FRMPD3: variants seen among roughly 807,000 people sequenced by gnomAD.
FRMPD3 encodes FERM and PDZ domain containing 3.
In FRMPD3, 42 loss-of-function variants were observed where a neutral mutation model predicts 97.9. The ratio of observed to expected loss-of-function variants is 0.43; its 90% confidence interval spans 0.34 to 0.55. The LOEUF (loss-of-function observed/expected upper bound fraction) is 0.55. Among genes scored for constraint, FRMPD3 ranks in the 20% least tolerant of loss-of-function variants. FRMPD3 has a pLI of 0.03. For synonymous variants in FRMPD3, 577 were observed against 581.1 expected (o/e 0.99, Z 0.10); for missense variants, 1,303 against 1,457.7 (o/e 0.89, Z 1.73).
rs747726417 is a variant in FRMPD3 at position 107,603,063 on chromosome X, G to A, written c.5024G>A (p.Arg1675Gln). Residue 1675 changes from arginine to glutamine, a missense_variant, in exon 15 of 15, where the codon CGG becomes CAG. Arg to Gln is a conservative substitution (Grantham distance 43). This residue lies in a region of FRMPD3 where 764 missense variants were observed against 820.2 expected (regional missense o/e 0.93). Transcript: ENST00000683843. ...VLSSLIETFVRLVFIVRSEAQ... is the reference protein window; with the variant it reads ...VLSSLIETFVQLVFIVRSEAQ... ...AGCAGCCTCATTGAGACCTTCGTGC[G>A]GCTGGTGTTCATTGTGCGCTCCGAG... 30 of 1,209,367 alleles carry A rather than the reference G, an allele frequency of 2.5e-5. No individual in the cohort carries two copies. Among genetic ancestry groups the A allele is most frequent in the South Asian group, 7.0e-5 (4 of 56,835 alleles).
At chrX:107,595,678 C>T (rs1924132989) in intron 13 of FRMPD3, among the ~76,000 whole-genome samples, 1 of 110,945 alleles carries the variant, frequency 9.0e-6, no homozygotes, top group African/African-American at 3.3e-5. Context: ...TGGGTCACGC[C>T]TGTAATCCCT....
intron 6 of FRMPD3, among the ~76,000 whole-genome samples, chrX:107,550,378 C>T (rs769190088): frequency 4.5e-4 from 50 of 112,111 alleles, no homozygotes; most frequent in Non-Finnish European, 7.9e-4. Context: ...AATTGTTAAA[C>T]CGTGTGTGTG....
intron 4 of FRMPD3, among the ~76,000 whole-genome samples, chrX:107,536,345 G>A (rs1923238228): frequency 9.0e-6 from 1 of 110,827 alleles, no homozygotes; most frequent in African/African-American, 3.3e-5. Flanking sequence ...AATAGAGCGA[G>A]GCCACTTCTC....
At position 107,498,790 on chromosome X, in the gene FRMPD3, T is replaced by C. The variant is rs11796796; in HGVS notation, c.-7-27792T>C. Reference sequence around the variant, plus strand: ...GCTGTCCAAAGGAGAAGGGGCATGCTGAAAGTGGGAAAAGGCTCTGCAAAT... The same window carrying C: ...GCTGTCCAAAGGAGAAGGGGCATGCCGAAAGTGGGAAAAGGCTCTGCAAAT... On this transcript the variant is annotated intron_variant, in intron 1 of 14. Coordinates refer to ENST00000683843, the MANE Select transcript of FRMPD3 (RefSeq NM_001388459.1). Among the ~76,000 whole-genome samples, 553 of 111,781 alleles carry C rather than the reference T, an allele frequency of 4.9e-3. 2 individuals are homozygous for C. The highest frequency in any genetic ancestry group is 8.9e-3 in the Non-Finnish European group (473 of 53,127).
intron 1 of FRMPD3, among the ~76,000 whole-genome samples, chrX:107,518,802 T>C (rs1336185211): frequency 8.9e-6 from 1 of 112,422 alleles, no homozygotes; most frequent in Non-Finnish European, 1.9e-5. Flanking sequence ...AGCTACATTG[T>C]TCACAACAAC....
chrX:107,556,867 C>T lies in FRMPD3; in HGVS notation c.762+2363C>T, dbSNP rs114737687. On this transcript the variant is annotated intron_variant, in intron 8 of 14. Coordinates refer to ENST00000683843, the MANE Select transcript of FRMPD3 (RefSeq NM_001388459.1). The stretch of plus-strand genomic sequence containing the variant: ...TTCCAGAATGTGTTTATTAATTCAC[C>T]TGTTGATGAACATTTGGGTTGTTTC... Among the ~76,000 whole-genome samples the T allele has an allele frequency of 7.2e-3, 810 of 111,991 alleles. 9 individuals are homozygous for T. Among genetic ancestry groups the T allele is most frequent in the African/African-American group, 0.025 (765 of 30,864 alleles).
intron 3 of FRMPD3, 82 bp from the exon 4 acceptor site, chrX:107,533,423 G>A: frequency 2.3e-6 from 2 of 863,929 alleles, no homozygotes; most frequent in Admixed American, 2.3e-5. Context: ...AAAGCCAGGG[G>A]AAGATTCTGG....
Position 107,549,522 on chromosome X carries a change from G to A in FRMPD3, c.403-527G>A, listed in dbSNP as rs1464681254. Among the ~76,000 whole-genome samples the A allele has an allele frequency of 5.4e-5, 6 of 110,243 alleles. 1 individual carries two copies. Among genetic ancestry groups the A allele is most frequent in the Admixed American group, 1.9e-4 (2 of 10,359 alleles). ...GTGTGGGTACTAGGAATAGCAAGAC[G>A]TGACTCTGGAGACTAGGCAGGGGCC... On this transcript the variant is annotated intron_variant, in intron 5 of 14. Coordinates refer to ENST00000683843, the MANE Select transcript of FRMPD3 (RefSeq NM_001388459.1).
chrX:107,504,625 A>C (rs1298683436), intron 1 of FRMPD3, among the ~76,000 whole-genome samples: 1 of 112,118 alleles, frequency 8.9e-6, no homozygotes, highest in Non-Finnish European at 1.9e-5. Flanking sequence ...GGGGGTGAGA[A>C]GAGCAAGCTA....
At chrX:107,594,096 T>C (rs1340319870) in intron 13 of FRMPD3, among the ~76,000 whole-genome samples, 2 of 112,003 alleles carry the variant, frequency 1.8e-5, no homozygotes, top group African/African-American at 6.5e-5. Context: ...TTTCACCTCC[T>C]TGGTGTTTTA....
intron 1 of FRMPD3, among the ~76,000 whole-genome samples, chrX:107,477,124 G>A: frequency 8.9e-6 from 1 of 112,922 alleles, no homozygotes; most frequent in Admixed American, 9.3e-5. Flanking sequence ...CTAGGGACTG[G>A]TACAAGGGGG....
intron 1 of FRMPD3, among the ~76,000 whole-genome samples, chrX:107,486,587 T>C (rs763837951): frequency 6.2e-5 from 7 of 112,399 alleles, no homozygotes. Context: ...CCCAGTACCA[T>C]TTGTTGAAGA....
At position 107,598,058 on chromosome X, in the gene FRMPD3, G is replaced by A. The variant is rs764758871; in HGVS notation, c.2179G>A (p.Asp727Asn). The change falls in exon 14 of 15, where the codon GAT becomes AAT. Residue 727 changes from aspartate (D) to asparagine (N), a missense_variant. This residue lies in a region of FRMPD3 where 535 missense variants were observed against 618.6 expected (regional missense o/e 0.86). Coordinates refer to ENST00000683843, the MANE Select transcript of FRMPD3 (RefSeq NM_001388459.1). The part of the protein sequence containing the change: ...TVRDHAQELD[D>N]ALVSTLQALE... The stretch of plus-strand genomic sequence containing the variant: ...TCGAGATCATGCCCAGGAGCTAGAT[G>A]ATGCCCTGGTGTCCACTCTGCAGGC... 2 of 1,210,742 alleles carry A rather than the reference G, an allele frequency of 1.7e-6. No homozygotes were observed. Among genetic ancestry groups the A allele is most frequent in the East Asian group, 5.9e-5 (2 of 33,834 alleles).
At chrX:107,482,241 G>A (rs1353901332) in intron 1 of FRMPD3, among the ~76,000 whole-genome samples, 3 of 111,622 alleles carry the variant, frequency 2.7e-5, no homozygotes, top group Non-Finnish European at 5.7e-5. Context: ...CCAAGCTCCA[G>A]TAGGTCCTCA....
In FRMPD3 at chrX:107,552,777, C is replaced by A; in HGVS notation, c.511-18C>A. On this transcript the variant is annotated intron_variant, in intron 6 of 14. Coordinates refer to ENST00000683843, the MANE Select transcript of FRMPD3 (RefSeq NM_001388459.1). ...GCCAGAACTAATCTCCCTCTCAAGGCTCTTTTCTGTCCCACAGGATGTGAT... is the reference window on the plus strand; with the variant it reads ...GCCAGAACTAATCTCCCTCTCAAGGATCTTTTCTGTCCCACAGGATGTGAT... 1 of 1,205,842 alleles carries A rather than the reference C, an allele frequency of 8.3e-7. No individual in the cohort carries two copies. Among genetic ancestry groups the A allele is most frequent in the East Asian group, 3.0e-5 (1 of 33,769 alleles).
chrX:107,575,452 ACT>A (rs2147615951), intron 12 of FRMPD3, among the ~76,000 whole-genome samples: 1 of 107,385 alleles, frequency 9.3e-6, no homozygotes, highest in South Asian at 4.0e-4. Context: ...ATAGAGCATG[ACT>A]CTTTTTTTTT....
intron 1 of FRMPD3, among the ~76,000 whole-genome samples, chrX:107,514,947 TTAAAGAGATGA>T (rs1223946658): frequency 9.0e-6 from 1 of 111,233 alleles, no homozygotes; most frequent in East Asian, 2.8e-4. Flanking sequence ...GCTTAAGTAA[TTAAAGAGATGA>T]TGGTGCCATA....
intron 1 of FRMPD3, among the ~76,000 whole-genome samples, chrX:107,482,742 G>C (rs1184402162): frequency 8.9e-6 from 1 of 112,229 alleles, no homozygotes; most frequent in South Asian, 3.7e-4. Context: ...CAAAGAGTTT[G>C]CTTGAGTAGG....
intron 1 of FRMPD3, among the ~76,000 whole-genome samples, chrX:107,491,328 T>A (rs1222389654): frequency 1.8e-5 from 2 of 112,685 alleles, no homozygotes; most frequent in Non-Finnish European, 3.7e-5. Flanking sequence ...TAGTAATTAC[T>A]GAGTTCTTAT....
Sources: gnomAD v4.1 joint callset for allele counts (sites outside exome capture counted in the v4.1 genomes callset) on GRCh38, gnomAD v4.1.1 for gene constraint, gnomAD v4.1.1 regional missense constraint, MANE v1.5 for transcripts, NCBI Gene and HGNC (gene_info 2026-07-23, HGNC 2026-07-21) for gene names.